The following TOX variants were observed in gnomAD, a reference collection of about 807,000 sequenced individuals.
TOX encodes thymocyte selection associated high mobility group box.
In TOX, 11 loss-of-function variants were observed where a neutral mutation model predicts 53.7. The ratio of observed to expected loss-of-function variants is 0.20; its 90% CI spans 0.13 to 0.34. The LOEUF is 0.34. TOX is among the 10% of genes least tolerant of loss of function. TOX has a pLI of 1.00. For missense variants in TOX, 570 were observed against 664.6 expected (o/e 0.86, Z 1.56); for synonymous variants, 225 against 245.3 (o/e 0.92, Z 0.77).
chr8:59,032,311 A>C (rs1814373498), intron 1 of TOX, among the ~76,000 whole-genome samples: 1 of 152,236 alleles, frequency 6.6e-6, no homozygotes, highest in Admixed American at 6.5e-5. Flanking sequence ...GACACAGTAA[A>C]ATCAAATAAC....
chr8:59,054,899 G>A (rs1334050290), intron 1 of TOX, among the ~76,000 whole-genome samples: 2 of 109,676 alleles, frequency 1.8e-5, no homozygotes, highest in Non-Finnish European at 3.6e-5. Context: ...AAAGAGAAAG[G>A]AAAAAAGAAA....
At chr8:59,095,633 C>T (rs1418862080) in intron 1 of TOX, among the ~76,000 whole-genome samples, 3 of 152,168 alleles carry the variant, frequency 2.0e-5, no homozygotes, top group Middle Eastern at 3.2e-3. Flanking sequence ...CTCCTGACAT[C>T]AAGTGATCCA....
At chr8:59,109,785 G>A (rs1243317293) in intron 1 of TOX, among the ~76,000 whole-genome samples, 2 of 152,062 alleles carry the variant, frequency 1.3e-5, no homozygotes, top group Admixed American at 6.6e-5. Flanking sequence ...GGTAATCGCC[G>A]ACGAAAACAT....
At chr8:58,900,664 AT>A (rs1348817288) in intron 3 of TOX, among the ~76,000 whole-genome samples, 1 of 152,080 alleles carries the variant, frequency 6.6e-6, no homozygotes, top group Non-Finnish European at 1.5e-5. Flanking sequence ...ATGTGAGTGT[AT>A]TTCTTAGGGC....
intron 3 of TOX, among the ~76,000 whole-genome samples, chr8:58,852,156 G>GT (rs528875175): frequency 1.4e-4 from 22 of 151,876 alleles, no homozygotes; most frequent in Non-Finnish European, 2.2e-4. Context: ...TTTATATAAC[G>GT]TAAGTTTCAA....
intron 5 of TOX, among the ~76,000 whole-genome samples, chr8:58,827,181 G>T (rs1200014770): frequency 6.6e-6 from 1 of 152,118 alleles, no homozygotes; most frequent in Non-Finnish European, 1.5e-5. Context: ...TGTAGAGGTA[G>T]TTGGCTTACA....
intron 1 of TOX, among the ~76,000 whole-genome samples, chr8:59,063,111 C>T (rs1804017470): frequency 6.6e-6 from 1 of 152,074 alleles, no homozygotes; most frequent in Non-Finnish European, 1.5e-5. Flanking sequence ...GTATTAGTTA[C>T]AGGGCTCTAG....
At chr8:58,926,426 T>C (rs565905663) in intron 3 of TOX, among the ~76,000 whole-genome samples, 1 of 152,336 alleles carries the variant, frequency 6.6e-6, no homozygotes, top group African/African-American at 2.4e-5. Context: ...TTATCATTCT[T>C]GAACGGGAAT....
chr8:59,034,930 C>T (rs978242267), intron 1 of TOX, among the ~76,000 whole-genome samples: 1 of 152,036 alleles, frequency 6.6e-6, no homozygotes, highest in African/African-American at 2.4e-5. Context: ...AAGTTAAGAA[C>T]CAGCTCAAAG....
intron 1 of TOX, among the ~76,000 whole-genome samples, chr8:59,046,638 A>T (rs73254487): frequency 0.057 from 8,671 of 152,150 alleles, 829 homozygotes; most frequent in African/African-American, 0.19. Flanking sequence ...TGGGTGGATC[A>T]TTTGAAGTCC....
chr8:58,824,295 C>T (rs924981315), intron 6 of TOX, among the ~76,000 whole-genome samples: 2 of 152,160 alleles, frequency 1.3e-5, no homozygotes, highest in East Asian at 1.9e-4. Flanking sequence ...TAAGATGATC[C>T]TTTAAAAACG....
In TOX at chr8:59,118,322, C is replaced by T. The variant is rs1805144859; in HGVS notation, c.102+564G>A. Among the ~76,000 whole-genome samples the T allele has an allele frequency of 6.6e-6, 1 of 152,212 alleles. No individual in the cohort carries two copies. Among genetic ancestry groups the T allele is most frequent in the South Asian group, 2.1e-4 (1 of 4,832 alleles). ...GCGGACCTGTGTCCGAACCCGGGCTCGGCTGCCGGAACCGGTTTGAGAAAA... is the reference window on the plus strand; with the variant it reads ...GCGGACCTGTGTCCGAACCCGGGCTTGGCTGCCGGAACCGGTTTGAGAAAA... On this transcript the variant is annotated intron_variant, in intron 1 of 8. Coordinates refer to ENST00000361421, the MANE Select transcript of TOX (RefSeq NM_014729.3). This position sits in a 1 kb window ranked among gnomAD's most constrained non-coding sequence, Gnocchi z 4.1.
intron 5 of TOX, among the ~76,000 whole-genome samples, chr8:58,828,333 G>T (rs1462125320): frequency 2.6e-5 from 4 of 152,156 alleles, no homozygotes; most frequent in African/African-American, 9.7e-5. Flanking sequence ...TCCTAAAGTG[G>T]GGGGCTTCAG....
In TOX at chr8:58,851,284, G is replaced by C. The variant is rs1810816791; in HGVS notation, c.693+240C>G. Among the ~76,000 whole-genome samples, 1 of 151,442 alleles carries C rather than the reference G, an allele frequency of 6.6e-6. No homozygotes were observed. ...GAATATACAGGCCCAACCTTCTGTGGGCACAAACAACTTTTACGCTTAACA... is the reference window on the plus strand; with the variant it reads ...GAATATACAGGCCCAACCTTCTGTGCGCACAAACAACTTTTACGCTTAACA... On this transcript the variant is annotated intron_variant, in intron 4 of 8. Coordinates refer to ENST00000361421, the MANE Select transcript of TOX (RefSeq NM_014729.3). The surrounding 1 kb of genome is among the most constrained non-coding windows in gnomAD (Gnocchi z 4.4).
chr8:58,965,766 T>C (rs1261963856), intron 1 of TOX, among the ~76,000 whole-genome samples: 4 of 152,020 alleles, frequency 2.6e-5, no homozygotes, highest in African/African-American at 7.2e-5. Context: ...GAAATGTTTA[T>C]AACAGGGGGT....
chr8:59,094,551 GAAT>G (rs139843195), intron 1 of TOX, among the ~76,000 whole-genome samples: 3,010 of 151,684 alleles, frequency 0.02, 52 homozygotes, highest in Admixed American at 0.045. Flanking sequence ...GAAAGATTTA[GAAT>G]AATACTTGGG....
rs557702605 is a variant in TOX at position 58,816,217 on chromosome 8, A to G, written c.1006-493T>C. The stretch of plus-strand genomic sequence containing the variant: ...AAGAAAACAAAGCTGGTTGATGGAA[A>G]TGGATATGGGAGAACAGAGTTCTAA... On this transcript the variant is annotated intron_variant, in intron 6 of 8. Transcript: ENST00000361421. Among the ~76,000 whole-genome samples the G allele has an allele frequency of 5.8e-4, 89 of 152,358 alleles. 4 individuals are homozygous for G. The South Asian group carries it at 0.018, about 31-fold the overall frequency.
chr8:59,067,279 C>T (rs932793664), intron 1 of TOX, among the ~76,000 whole-genome samples: 7 of 152,154 alleles, frequency 4.6e-5, no homozygotes, highest in East Asian at 1.9e-4. Context: ...ACTGGCCGGC[C>T]GAGGGGGCTC....
At chr8:58,829,191 C>T (rs1015499747) in intron 5 of TOX, among the ~76,000 whole-genome samples, 12 of 152,184 alleles carry the variant, frequency 7.9e-5, no homozygotes, top group Admixed American at 7.9e-4. Context: ...CTTTGTTGAG[C>T]TCCTGGCAGT....
Sources: allele counts gnomAD v4.1 joint callset (sites outside exome capture counted in the v4.1 genomes callset), GRCh38; gene constraint gnomAD v4.1.1; non-coding constraint Gnocchi (gnomAD v3.1); transcripts MANE v1.5; gene names NCBI Gene and HGNC (gene_info 2026-07-23, HGNC 2026-07-21).